Variants in CNTN5 observed in about 807,000 individuals in gnomAD.
CNTN5 encodes the protein contactin 5.
In CNTN5, 77 loss-of-function variants were observed where a neutral mutation model predicts 129.1. The observed-to-expected ratio is 0.60, with a 90% CI of 0.50 to 0.72. CNTN5 has a LOEUF of 0.72. Among genes scored for constraint, CNTN5 ranks in the 30% least tolerant of loss-of-function variants. The pLI, the probability that CNTN5 is intolerant of heterozygous loss-of-function variation, is 0.00. For synonymous variants in CNTN5, 509 were observed against 465.6 expected (o/e 1.09, Z -1.20); for missense variants, 1,478 against 1,328.8 (o/e 1.11, Z -1.75).
At chr11:100,024,829 A>C (rs1941334132) in intron 9 of CNTN5, among the ~76,000 whole-genome samples, 1 of 152,208 alleles carries the variant, frequency 6.6e-6, no homozygotes, top group Non-Finnish European at 1.5e-5. Flanking sequence ...GGGTGCTCTG[A>C]AAAACATTCA....
chr11:100,223,351 G>T (rs1185421362), intron 15 of CNTN5, among the ~76,000 whole-genome samples: 3 of 152,050 alleles, frequency 2.0e-5, no homozygotes, highest in Non-Finnish European at 4.4e-5. Flanking sequence ...AGAAAGAAAT[G>T]ATCTAAAACA....
intron 3 of CNTN5, among the ~76,000 whole-genome samples, chr11:99,729,052 G>A (rs1187351797): frequency 6.6e-6 from 1 of 152,124 alleles, no homozygotes; most frequent in Non-Finnish European, 1.5e-5. Context: ...AGTAAGGGAG[G>A]TTCAACGGTG....
At chr11:99,380,128 A>C (rs754152006) in intron 2 of CNTN5, among the ~76,000 whole-genome samples, 7 of 150,762 alleles carry the variant, frequency 4.6e-5, no homozygotes, top group Non-Finnish European at 1.0e-4. Context: ...GTGTTAAATA[A>C]ATGCTACTCT....
rs533029656 is a variant in CNTN5 at position 99,102,786 on chromosome 11, TC to T, written c.-210+81518del. Among the ~76,000 whole-genome samples, 4 of 152,248 alleles carry T rather than the reference TC, an allele frequency of 2.6e-5. No homozygotes were observed. The South Asian group carries it at 8.3e-4, about 32-fold the overall frequency. On this transcript the variant is annotated intron_variant, in intron 1 of 24. Coordinates refer to ENST00000524871, the MANE Select transcript of CNTN5 (RefSeq NM_014361.4). ...CTGTCTTCTGTGCCCTCCAAACTGT[TC>T]CAACCTCTGCCTGTTACCCAGTTCC... is the stretch of plus-strand genomic sequence containing the variant.
At chr11:99,802,250 C>T (rs1946136491) in intron 3 of CNTN5, among the ~76,000 whole-genome samples, 1 of 152,170 alleles carries the variant, frequency 6.6e-6, no homozygotes, top group African/African-American at 2.4e-5. Context: ...TTACAGCTAA[C>T]ATACTGGGTA....
At chr11:99,575,550 G>A (rs1281556969) in intron 3 of CNTN5, among the ~76,000 whole-genome samples, 2 of 152,104 alleles carry the variant, frequency 1.3e-5, no homozygotes, top group African/African-American at 2.4e-5. Context: ...GGATTTTGAG[G>A]GTCGCTAACA....
At position 100,301,654 on chromosome 11, in the gene CNTN5, T is replaced by C. The variant is rs1389857853; in HGVS notation, c.2620+2258T>C. On this transcript the variant is annotated intron_variant, in intron 20 of 24. Transcript: ENST00000524871. ...TTTATATGTAAATATGAGTAAAGTG[T>C]TAGCATCATTAGAGTGTGTCAACCA... Among the ~76,000 whole-genome samples, 6 of 151,566 alleles carry C rather than the reference T, an allele frequency of 4.0e-5. No homozygotes were observed. The South Asian group carries it at 1.0e-3, about 26-fold the overall frequency.
intron 2 of CNTN5, among the ~76,000 whole-genome samples, chr11:99,454,653 A>G (rs1182560770): frequency 6.6e-6 from 1 of 152,012 alleles, no homozygotes; most frequent in African/African-American, 2.4e-5. Flanking sequence ...AGTCAATTAA[A>G]CCTCTTTCCT....
chr11:99,569,075 G>A (rs1949095152), intron 3 of CNTN5, among the ~76,000 whole-genome samples: 1 of 152,034 alleles, frequency 6.6e-6, no homozygotes, highest in African/African-American at 2.4e-5. Context: ...TGGACCATCT[G>A]AATGGTCCAG....
intron 4 of CNTN5, among the ~76,000 whole-genome samples, chr11:99,842,754 A>T (rs963648900): frequency 6.6e-6 from 1 of 152,150 alleles, no homozygotes; most frequent in African/African-American, 2.4e-5. Context: ...AAGTTTTCCA[A>T]TTTTTTATAA....
At chr11:99,929,896 G>T (rs1308539839) in intron 7 of CNTN5, among the ~76,000 whole-genome samples, 1 of 152,192 alleles carries the variant, frequency 6.6e-6, no homozygotes, top group African/African-American at 2.4e-5. Context: ...AGAGGTAGTA[G>T]ATTTAAGGCA....
intron 6 of CNTN5, among the ~76,000 whole-genome samples, chr11:99,874,609 T>G (rs1278074693): frequency 1.3e-5 from 2 of 152,196 alleles, no homozygotes; most frequent in African/African-American, 4.8e-5. Context: ...TTTTATTTGT[T>G]AGTTGGAATA....
At chr11:99,293,572 C>A (rs1352860760) in intron 1 of CNTN5, among the ~76,000 whole-genome samples, 1 of 152,016 alleles carries the variant, frequency 6.6e-6, no homozygotes, top group Non-Finnish European at 1.5e-5. Flanking sequence ...GATGGGAGAA[C>A]TTTTATTACT....
chr11:99,682,652 C>T (rs1022243082), intron 3 of CNTN5, among the ~76,000 whole-genome samples: 1 of 151,744 alleles, frequency 6.6e-6, no homozygotes, highest in Non-Finnish European at 1.5e-5. Flanking sequence ...TCACCTATTA[C>T]AATAAAAAGA....
In CNTN5 at chr11:99,748,929, G is replaced by A. The variant is rs535740360; in HGVS notation, c.56-70615G>A. Among the ~76,000 whole-genome samples the A allele has an allele frequency of 5.3e-5, 8 of 152,216 alleles. No individual in the cohort carries two copies. The South Asian group carries it at 1.2e-3, about 24-fold the overall frequency. On this transcript the variant is annotated intron_variant, in intron 3 of 24. Coordinates refer to ENST00000524871, the MANE Select transcript of CNTN5 (RefSeq NM_014361.4). The stretch of plus-strand genomic sequence containing the variant: ...TACCAGCCATCTGAGTATCTCTTAG[G>A]CCAGTCAAGTTGACACATTAAATTT...
At chr11:100,138,557 C>T (rs775421740) in intron 13 of CNTN5, among the ~76,000 whole-genome samples, 5 of 151,850 alleles carry the variant, frequency 3.3e-5, no homozygotes, top group Non-Finnish European at 5.9e-5. Flanking sequence ...TCAGAAAAGG[C>T]CTATTCATTT....
At chr11:99,071,692 A>G (rs1865348670) in intron 1 of CNTN5, among the ~76,000 whole-genome samples, 1 of 152,156 alleles carries the variant, frequency 6.6e-6, no homozygotes. Context: ...AAAGTCTAGA[A>G]TAACTGTTGC....
intron 1 of CNTN5, among the ~76,000 whole-genome samples, chr11:99,180,320 G>T (rs368716199): frequency 6.6e-6 from 1 of 152,256 alleles, no homozygotes; most frequent in Admixed American, 6.5e-5. Context: ...CACCAGACTG[G>T]GAAGCAACAG....
chr11:99,306,693 C>T (rs556338610), intron 1 of CNTN5, among the ~76,000 whole-genome samples: 2 of 150,820 alleles, frequency 1.3e-5, no homozygotes, highest in Non-Finnish European at 3.0e-5. Context: ...AAGATCGTGC[C>T]ACTGCACTCC....
Sources: gnomAD v4.1 joint callset for allele counts (sites outside exome capture counted in the v4.1 genomes callset) on GRCh38, gnomAD v4.1.1 for gene constraint, MANE v1.5 for transcripts, NCBI Gene and HGNC (gene_info 2026-07-23, HGNC 2026-07-21) for gene names.